SAMD5: variants seen among roughly 807,000 people sequenced by gnomAD.
SAMD5 encodes the protein sterile alpha motif domain-containing protein 5.
Under a neutral mutation model 11.3 loss-of-function variants are expected in SAMD5, and 13 were observed. The observed-to-expected ratio is 1.15, with a 90% CI of 0.75 to 1.83. SAMD5 has a LOEUF of 1.83. SAMD5 is among the 40% of genes most tolerant of loss of function. The probability of loss-of-function intolerance (pLI) is 0.00; values close to 1 mark genes in which losing one functional copy is unlikely to be tolerated. For missense variants in SAMD5, 255 were observed against 239.1 expected (o/e 1.07, Z -0.44); for synonymous variants, 129 against 111.3 (o/e 1.16, Z -1.00).
At chr6:147,688,752 C>T (rs1310877601) in intron 1 of SAMD5, among the ~76,000 whole-genome samples, 1 of 152,202 alleles carries the variant, frequency 6.6e-6, no homozygotes, top group Admixed American at 6.5e-5. Context: ...TAAGTCTTTG[C>T]TGCTTCATTA....
intron 1 of SAMD5, among the ~76,000 whole-genome samples, chr6:147,637,520 G>A (rs933538355): frequency 9.2e-5 from 14 of 152,160 alleles, no homozygotes; most frequent in African/African-American, 3.4e-4. Context: ...GGGCTATAAG[G>A]CTATTGCCAT....
chr6:147,812,997 G>A, the SAMD5 span, among the ~76,000 whole-genome samples: 1 of 152,184 alleles, frequency 6.6e-6, no homozygotes, highest in Admixed American at 6.5e-5. Flanking sequence ...TTGCAGTATT[G>A]TTATTGCATC....
the SAMD5 span, among the ~76,000 whole-genome samples, chr6:147,767,556 G>A: frequency 2.9e-4 from 44 of 149,470 alleles, no homozygotes; most frequent in Admixed American, 5.3e-4. Context: ...TGAGTTTGTC[G>A]GGGTGGGGAT....
chr6:147,920,533 A>G, the SAMD5 span, among the ~76,000 whole-genome samples: 2 of 152,188 alleles, frequency 1.3e-5, no homozygotes, highest in African/African-American at 4.8e-5. Flanking sequence ...GTACTCCTTA[A>G]TAAACTCCCC....
At chr6:147,759,486 TA>T in the SAMD5 span, among the ~76,000 whole-genome samples, 1 of 152,140 alleles carries the variant, frequency 6.6e-6, no homozygotes, top group Non-Finnish European at 1.5e-5. Context: ...AATGATCTGA[TA>T]GCATTAATAT....
Position 147,566,977 on chromosome 6 carries a change from A to G in SAMD5, c.*2521A>G. ...AATTTTTGAATATAAAAGAAGTAGC[A>G]ATTGACTAAGAATAAATATGTTATA... On this transcript the variant is annotated 3_prime_UTR_variant, in exon 2 of 2. Transcript: ENST00000367474. The G allele has an allele frequency of 1.2e-5, 10 of 834,710 alleles. No individual in the cohort carries two copies. Among genetic ancestry groups the G allele is most frequent in the Non-Finnish European group, 1.4e-5 (10 of 692,856 alleles). The allele number at this position is 834,710 out of a possible 1,614,324, so 51.7% of individuals were successfully genotyped here.
intron 1 of SAMD5, among the ~76,000 whole-genome samples, chr6:147,697,536 G>T (rs1038208909): frequency 6.6e-6 from 1 of 152,042 alleles, no homozygotes; most frequent in Non-Finnish European, 1.5e-5. Flanking sequence ...TCAGCGTTTT[G>T]TTCAGTTTAT....
chr6:147,940,685 A>G, the SAMD5 span, among the ~76,000 whole-genome samples: 60 of 152,338 alleles, frequency 3.9e-4, no homozygotes, highest in African/African-American at 1.4e-3. Flanking sequence ...CTGGCAGGCC[A>G]GGCACAGCGG....
chr6:147,575,720 T>C (rs969824369), intron 1 of SAMD5, among the ~76,000 whole-genome samples: 4 of 152,220 alleles, frequency 2.6e-5, no homozygotes, highest in Non-Finnish European at 4.4e-5. Flanking sequence ...TGATATATTT[T>C]GTAGTTGACT....
chr6:147,788,249 C>T, the SAMD5 span, among the ~76,000 whole-genome samples: 47 of 152,220 alleles, frequency 3.1e-4, no homozygotes, highest in Middle Eastern at 3.4e-3. Flanking sequence ...ACATATTGCA[C>T]GTATAATTAA....
intron 1 of SAMD5, among the ~76,000 whole-genome samples, chr6:147,654,460 G>C (rs1790536294): frequency 6.6e-6 from 1 of 152,108 alleles, no homozygotes; most frequent in South Asian, 2.1e-4. Context: ...CCCCTGAACA[G>C]TTTCAGTGAC....
the SAMD5 span, among the ~76,000 whole-genome samples, chr6:147,913,206 T>C: frequency 6.6e-6 from 1 of 151,784 alleles, no homozygotes; most frequent in African/African-American, 2.4e-5. Context: ...CCACAATCAG[T>C]GCAAAAAAAA....
the SAMD5 span, among the ~76,000 whole-genome samples, chr6:147,883,709 A>G: frequency 3.9e-5 from 6 of 152,206 alleles, no homozygotes; most frequent in Admixed American, 2.0e-4. Context: ...GTCACTGTTT[A>G]TTGACAGTGA....
At chr6:147,766,552 C>A in the SAMD5 span, among the ~76,000 whole-genome samples, 1 of 152,126 alleles carries the variant, frequency 6.6e-6, no homozygotes, top group Non-Finnish European at 1.5e-5. Flanking sequence ...GTGTTTTCAG[C>A]CAACAGTTTT....
chr6:147,785,979 T>G, the SAMD5 span, among the ~76,000 whole-genome samples: 14 of 152,290 alleles, frequency 9.2e-5, no homozygotes, highest in East Asian at 1.9e-3. Flanking sequence ...GTTCTTGCAG[T>G]GATGGTGATA....
chr6:147,680,681 T>C (rs1287745526), intron 1 of SAMD5, among the ~76,000 whole-genome samples: 3 of 152,182 alleles, frequency 2.0e-5, no homozygotes, highest in Non-Finnish European at 2.9e-5. Flanking sequence ...GAGAAGGTTT[T>C]CTTCTATTCC....
At chr6:147,850,933 T>C in the SAMD5 span, among the ~76,000 whole-genome samples, 4 of 149,320 alleles carry the variant, frequency 2.7e-5, no homozygotes, top group Admixed American at 2.0e-4. Flanking sequence ...TGCTGACCTA[T>C]GGTTATAATT....
At chr6:147,554,314 G>A (rs1788819674) in intron 1 of SAMD5, among the ~76,000 whole-genome samples, 1 of 152,092 alleles carries the variant, frequency 6.6e-6, no homozygotes, top group Middle Eastern at 3.2e-3. Flanking sequence ...TTTTGGGTGG[G>A]GACACAGCCA....
the SAMD5 span, among the ~76,000 whole-genome samples, chr6:147,918,196 C>T: frequency 6.6e-6 from 1 of 152,168 alleles, no homozygotes; most frequent in Admixed American, 6.5e-5. Context: ...TAACCATGAG[C>T]ATGGAATGTT....
Sources: allele counts gnomAD v4.1 joint callset (sites outside exome capture counted in the v4.1 genomes callset), GRCh38; gene constraint gnomAD v4.1.1; transcripts MANE v1.5; gene names NCBI Gene and HGNC (gene_info 2026-07-23, HGNC 2026-07-21).